The following SLC37A3 variants were observed in gnomAD, a reference collection of about 807,000 sequenced individuals.
The protein encoded by SLC37A3 is sugar phosphate exchanger 3.
A neutral mutation model predicts 67.1 loss-of-function variants in SLC37A3; 51 were observed. That is an observed-to-expected ratio of 0.76 (90% confidence interval 0.61 to 0.96). The LOEUF (loss-of-function observed/expected upper bound fraction) is 0.96. Among genes scored for constraint, SLC37A3 ranks in the 40% least tolerant of loss-of-function variants. SLC37A3 has a pLI of 0.00. For missense variants in SLC37A3, 508 were observed against 603.0 expected, an observed-to-expected ratio of 0.84 and a Z score of 1.65; for synonymous variants, 214 against 231.4, an observed-to-expected ratio of 0.92 and a Z score of 0.68.
intron 1 of SLC37A3, among the ~76,000 whole-genome samples, chr7:140,391,496 C>A (rs1299527035): frequency 6.6e-6 from 1 of 152,214 alleles, no homozygotes; most frequent in Non-Finnish European, 1.5e-5. Flanking sequence ...GCAGAGGTTG[C>A]AGTGAGCCGA....
Position 140,354,303 on chromosome 7 carries a change from T to C in SLC37A3, c.618+1365A>G, listed in dbSNP as rs73735215. Among the ~76,000 whole-genome samples, 1,103 of 152,362 alleles carry C rather than the reference T, an allele frequency of 7.2e-3. 10 individuals carry two copies. Among genetic ancestry groups the C allele is most frequent in the African/African-American group, 0.024 (978 of 41,586 alleles). On this transcript the variant is annotated intron_variant, in intron 7 of 14. Transcript: ENST00000326232. Reference sequence around the variant, plus strand: ...GTAATTTTGACAGACACTTCCATATTGACCCCTCCATGAGTTAGTGACTCT... The same window carrying C: ...GTAATTTTGACAGACACTTCCATATCGACCCCTCCATGAGTTAGTGACTCT...
At chr7:140,347,492 C>T (rs928676650) in intron 10 of SLC37A3, among the ~76,000 whole-genome samples, 3 of 152,102 alleles carry the variant, frequency 2.0e-5, no homozygotes, top group Admixed American at 6.6e-5. Context: ...TGAGGTCTAA[C>T]GGTGGCAACC....
intron 2 of SLC37A3, among the ~76,000 whole-genome samples, chr7:140,382,128 G>A (rs951103151): frequency 1.3e-5 from 2 of 151,310 alleles, no homozygotes; most frequent in Non-Finnish European, 1.5e-5. Context: ...CAGATGAAAC[G>A]TTCTTTGTTG....
intron 1 of SLC37A3, among the ~76,000 whole-genome samples, chr7:140,389,995 A>T (rs759912967): frequency 3.3e-5 from 5 of 152,148 alleles, no homozygotes; most frequent in Non-Finnish European, 5.9e-5. Context: ...AGGCTGAGGC[A>T]GGAGGATCAC....
chr7:140,376,549 C>T (rs1387671901), intron 3 of SLC37A3, among the ~76,000 whole-genome samples: 1 of 152,144 alleles, frequency 6.6e-6, no homozygotes, highest in Non-Finnish European at 1.5e-5. Flanking sequence ...TTCCTGTGCA[C>T]ACACTAAAGT....
At chr7:140,336,023 G>A (rs150378451) in intron 14 of SLC37A3, among the ~76,000 whole-genome samples, 52 of 152,202 alleles carry the variant, frequency 3.4e-4, no homozygotes, top group Admixed American at 6.5e-5. Flanking sequence ...CCTGGAGTAC[G>A]GGTGGTGGAA....
At chr7:140,347,425 T>C (rs1480292275) in intron 10 of SLC37A3, among the ~76,000 whole-genome samples, 1 of 152,182 alleles carries the variant, frequency 6.6e-6, no homozygotes. Flanking sequence ...ATCTGGTGTG[T>C]CCTTATCAGA....
At chr7:140,382,698 GA>G in intron 1 of SLC37A3, 102 bp from the exon 2 acceptor site, 2 of 504,488 alleles carry the variant, frequency 4.0e-6, no homozygotes, top group South Asian at 4.0e-5. Flanking sequence ...GGCCTTGTGG[GA>G]AAAAAATCTT....
chr7:140,353,837 G>C lies in SLC37A3; in HGVS notation c.619-1691C>G, dbSNP rs558592232. On this transcript the variant is annotated intron_variant, in intron 7 of 14. Coordinates refer to ENST00000326232, the MANE Select transcript of SLC37A3 (RefSeq NM_207113.3). Reference sequence around the variant, plus strand: ...AAGCAATTCTCTGCCTCAGCCTCTGGAGTAGCTGGGATTACAGGTGCCCGT... The same window carrying C: ...AAGCAATTCTCTGCCTCAGCCTCTGCAGTAGCTGGGATTACAGGTGCCCGT... Among the ~76,000 whole-genome samples the C allele has an allele frequency of 3.0e-3, 457 of 152,118 alleles. 2 individuals carry two copies. The highest frequency in any genetic ancestry group is 0.011 in the African/African-American group (445 of 41,476).
chr7:140,364,600 TCTTATACACATGCCGAGGCTA>T (rs759185750), intron 4 of SLC37A3, 109 bp from the exon 5 acceptor site: 137 of 1,018,138 alleles, frequency 1.3e-4, no homozygotes, highest in Admixed American at 2.5e-4. Context: ...TAAAATTAAC[TCTTATACACATGCCGAGGCTA>T]CCTGTCTACA....
chr7:140,355,681 T>G lies in SLC37A3; in HGVS notation c.605A>C (p.Gln202Pro). The change falls in exon 7 of 15, where the codon CAG (glutamine) becomes CCG (proline). Residue 202 changes from glutamine to proline, a missense_variant. Gln to Pro is a moderately conservative substitution (Grantham distance 76, BLOSUM62 -1). Coordinates refer to ENST00000326232, the MANE Select transcript of SLC37A3 (RefSeq NM_207113.3). ...LGACLASSVL[Q>P]YGYEYAFLVT... ...AACAATACCTACCTCATAACCATAC[T>G]GAAGAACAGAAGAAGCTAGGCACGC... The G allele has an allele frequency of 1.9e-6, 3 of 1,613,622 alleles. No homozygotes were observed. The highest frequency in any genetic ancestry group is 2.5e-6 in the Non-Finnish European group (3 of 1,179,864).
chr7:140,371,028 A>G (rs752040301), intron 3 of SLC37A3, among the ~76,000 whole-genome samples: 34 of 152,170 alleles, frequency 2.2e-4, no homozygotes, highest in Admixed American at 3.9e-4. Flanking sequence ...GGAGGAGGCC[A>G]TCCCAAGCCC....
At chr7:140,364,219 C>G (rs776464707) in intron 5 of SLC37A3, among the ~76,000 whole-genome samples, 189 bp downstream of exon 5, 1 of 149,192 alleles carries the variant, frequency 6.7e-6, no homozygotes, top group African/African-American at 2.5e-5. Flanking sequence ...CCACTGCACT[C>G]CAGCCTGGGG....
At chr7:140,366,800 T>G (rs991072568) in intron 4 of SLC37A3, among the ~76,000 whole-genome samples, 7 of 152,170 alleles carry the variant, frequency 4.6e-5, no homozygotes, top group African/African-American at 1.7e-4. Flanking sequence ...CTGTTCCAAC[T>G]GTTTCTCTGT....
chr7:140,345,189 A>T (rs1796505352), intron 12 of SLC37A3, 27 bp downstream of exon 12: 2 of 1,601,258 alleles, frequency 1.2e-6, no homozygotes, highest in South Asian at 2.2e-5. Context: ...CAACAGAAGC[A>T]TGGTGGAGCA....
intron 10 of SLC37A3, among the ~76,000 whole-genome samples, chr7:140,348,077 T>A (rs1173416315): frequency 1.3e-5 from 2 of 152,096 alleles, no homozygotes; most frequent in Non-Finnish European, 2.9e-5. Context: ...GTAACATAAG[T>A]TATATGAATG....
chr7:140,362,420 G>C lies in SLC37A3; in HGVS notation c.375+1988C>G, dbSNP rs1297716463. On this transcript the variant is annotated intron_variant, in intron 5 of 14. Coordinates refer to ENST00000326232, the MANE Select transcript of SLC37A3 (RefSeq NM_207113.3). ...AGCCGCCCCGTCCGGGAGGGAGGTG[G>C]GGGGGGGGGTCAGCCCCCCGCCCGG... is the stretch of plus-strand genomic sequence containing the variant. Among the ~76,000 whole-genome samples, 5 of 13,378 alleles carry C rather than the reference G, an allele frequency of 3.7e-4. No individual in the cohort carries two copies. In the Admixed American group the frequency reaches 3.9e-3, roughly 10 times the overall value. The allele number at this position is 13,378 out of a possible 152,430, so 8.8% of individuals were successfully genotyped here. A position where few individuals can be genotyped will look rare whatever the true frequency, so the allele number is the denominator to read the frequency against.
Position 140,348,660 on chromosome 7 carries a change from C to G in SLC37A3, c.990G>C (p.Lys330Asn). Residue 330 changes from lysine (K) to asparagine (N), a missense_variant, in exon 10 of 15, where the codon AAG (lysine) becomes AAC (asparagine). Lys to Asn is a moderately conservative substitution (Grantham distance 94). Coordinates refer to ENST00000326232, the MANE Select transcript of SLC37A3 (RefSeq NM_207113.3). ...NFGWKEAEADKLSIWYDVGGI... is the reference protein window; with the variant it reads ...NFGWKEAEADNLSIWYDVGGI... ...CTCCAACGTCGTACCAAATGGACAG[C>G]TTGTCGGCTTCCGCCTCCTTCCAGC... 1 of 1,614,064 alleles carries G rather than the reference C, an allele frequency of 6.2e-7. No individual in the cohort carries two copies. Among genetic ancestry groups the G allele is most frequent in the Non-Finnish European group, 8.5e-7 (1 of 1,180,010 alleles).
chr7:140,369,600 G>C lies in SLC37A3; in HGVS notation c.281C>G (p.Ser94Cys). The change falls in exon 4 of 15, where the codon TCC becomes TGC. Residue 94 changes from serine to cysteine, a missense_variant. By Grantham distance (112) the Ser-to-Cys change is moderately radical. Transcript: ENST00000326232. ...AGTTCCAAAACTTACCACAGCATAGGAGAAGAGGAAAATGGTATCCAGTGT... is the reference window on the plus strand; with the variant it reads ...AGTTCCAAAACTTACCACAGCATAGCAGAAGAGGAAAATGGTATCCAGTGT... ...LGTLDTIFLF[S>C]YAVGLFISGI... 6.2e-7 allele frequency: 1 copy of C among 1,613,840 alleles called. No homozygotes were observed.
Sources: allele counts gnomAD v4.1 joint callset (sites outside exome capture counted in the v4.1 genomes callset), GRCh38; gene constraint gnomAD v4.1.1; transcripts MANE v1.5; gene names NCBI Gene and HGNC (gene_info 2026-07-23, HGNC 2026-07-21).